IKBKB: variants seen among roughly 807,000 people sequenced by gnomAD.
IKBKB encodes inhibitor of nuclear factor kappa B kinase subunit beta.
IKBKB carries 42 observed loss-of-function variants against 113.6 expected under a neutral mutation model. That is an observed-to-expected ratio of 0.37 (90% confidence interval 0.29 to 0.48). The LOEUF is 0.48. Among genes scored for constraint, IKBKB ranks in the 20% least tolerant of loss-of-function variants. The pLI is 0.99. For synonymous variants in IKBKB, 296 were observed against 361.3 expected (o/e 0.82, Z 2.05); for missense variants, 673 against 939.7 (o/e 0.72, Z 3.71).
chr8:42,282,382 T>G (rs1281709879), intron 2 of IKBKB, among the ~76,000 whole-genome samples: 1 of 152,168 alleles, frequency 6.6e-6, no homozygotes, highest in Non-Finnish European at 1.5e-5. Flanking sequence ...TTTAAAAATA[T>G]TTTTAGTAGA....
intron 8 of IKBKB, chr8:42,309,643 G>A (rs1035369028): frequency 4.6e-5 from 9 of 195,084 alleles, no homozygotes; most frequent in African/African-American, 1.9e-4. Context: ...CAGCTACTCG[G>A]AAGGCTGAGG....
chr8:42,325,877 G>C, intron 19 of IKBKB, 93 bp from the exon 20 acceptor site: 1 of 1,563,880 alleles, frequency 6.4e-7, no homozygotes, highest in Non-Finnish European at 8.6e-7. Flanking sequence ...GCCTCTGGCA[G>C]CCAGCCAGTT....
At chr8:42,297,990 A>C in intron 5 of IKBKB, 1 of 592,550 alleles carries the variant, frequency 1.7e-6, no homozygotes, top group Non-Finnish European at 2.1e-6. Context: ...CCATCACTCC[A>C]TGCTGATAGG....
intron 2 of IKBKB, among the ~76,000 whole-genome samples, chr8:42,285,877 CAGAA>C (rs1811318651): frequency 6.6e-6 from 1 of 152,142 alleles, no homozygotes; most frequent in South Asian, 2.1e-4. Flanking sequence ...TCCGTAGAGA[CAGAA>C]AGAGGTGGGT....
chr8:42,292,507 A>T (rs1220307676), intron 4 of IKBKB, among the ~76,000 whole-genome samples: 1 of 152,200 alleles, frequency 6.6e-6, no homozygotes, highest in Admixed American at 6.5e-5. Flanking sequence ...TGTTCCCTCT[A>T]AAAAGTTCAA....
chr8:42,324,208 C>T (rs1820295851), intron 19 of IKBKB, among the ~76,000 whole-genome samples: 1 of 152,050 alleles, frequency 6.6e-6, no homozygotes, highest in African/African-American at 2.4e-5. Context: ...TGGGGAAGGC[C>T]ACAATGGAGG....
At chr8:42,315,092 C>T (rs1818422369) in intron 9 of IKBKB, among the ~76,000 whole-genome samples, 1 of 152,240 alleles carries the variant, frequency 6.6e-6, no homozygotes. Flanking sequence ...TTCCACCCCT[C>T]ATGTGGCCCA....
At chr8:42,301,713 AGTC>A (rs1815246242) in intron 5 of IKBKB, among the ~76,000 whole-genome samples, 1 of 152,254 alleles carries the variant, frequency 6.6e-6, no homozygotes, top group Admixed American at 6.5e-5. Flanking sequence ...TATTAATAGT[AGTC>A]AGAGTATTCA....
chr8:42,326,703 A>T (rs982169004), intron 20 of IKBKB, among the ~76,000 whole-genome samples: 2 of 152,166 alleles, frequency 1.3e-5, no homozygotes, highest in Admixed American at 6.5e-5. Flanking sequence ...GCTTTCGTCA[A>T]GTCTCATCTG....
At chr8:42,311,377 A>G (rs1182880665) in intron 8 of IKBKB, among the ~76,000 whole-genome samples, 2 of 152,170 alleles carry the variant, frequency 1.3e-5, no homozygotes, top group Non-Finnish European at 2.9e-5. Flanking sequence ...CCTGGCCAAC[A>G]TGATGAAACC....
At chr8:42,293,665 G>GAAAA in intron 5 of IKBKB, 153 bp downstream of exon 5, 1 of 1,345,080 alleles carries the variant, frequency 7.4e-7, no homozygotes, top group African/African-American at 1.4e-5. Context: ...TGGTGGAGTA[G>GAAAA]GGAGGTCAAC....
chr8:42,278,214 C>A (rs765539477), intron 2 of IKBKB, among the ~76,000 whole-genome samples: 1 of 152,084 alleles, frequency 6.6e-6, no homozygotes, highest in Non-Finnish European at 1.5e-5. Context: ...CTGTGGAGGG[C>A]AGGTGTGGCA....
chr8:42,314,470 C>A, intron 9 of IKBKB, 41 bp downstream of exon 9: 2 of 1,323,566 alleles, frequency 1.5e-6, no homozygotes, highest in Non-Finnish European at 1.1e-6. Flanking sequence ...ATCTTTCTTG[C>A]TTTTTTTAGA....
chr8:42,304,245 A>G (rs1471792543), intron 5 of IKBKB, among the ~76,000 whole-genome samples: 1 of 152,198 alleles, frequency 6.6e-6, no homozygotes, highest in Non-Finnish European at 1.5e-5. Context: ...TAGTCATAGC[A>G]TCTCCAAATA....
chr8:42,274,241 G>A (rs921645889), intron 2 of IKBKB, among the ~76,000 whole-genome samples: 4 of 152,138 alleles, frequency 2.6e-5, no homozygotes, highest in African/African-American at 7.2e-5. Context: ...TGTAGGCCAT[G>A]CCGGTCTCAA....
Position 42,294,075 on chromosome 8 carries a change from G to A in IKBKB, c.388+563G>A, listed in dbSNP as rs1409278338. On this transcript the variant is annotated intron_variant, in intron 5 of 21. Coordinates refer to ENST00000520810, the MANE Select transcript of IKBKB (RefSeq NM_001556.3). The stretch of plus-strand genomic sequence containing the variant: ...TAGACCCTGGCGCTCACTCAGGAGG[G>A]GTCTGAGGGCTGGGCGCTAAAGGTC... Among the ~76,000 whole-genome samples the A allele has an allele frequency of 2.0e-5, 3 of 152,216 alleles. No individual in the cohort carries two copies. The East Asian group carries it at 5.8e-4, about 29-fold the overall frequency.
chr8:42,294,729 A>G (rs1047112188), intron 5 of IKBKB, among the ~76,000 whole-genome samples: 1 of 152,214 alleles, frequency 6.6e-6, no homozygotes, highest in African/African-American at 2.4e-5. Flanking sequence ...ATGAGCACCC[A>G]GTGCTGGCCC....
At chr8:42,290,029 G>A in intron 3 of IKBKB, 127 bp from the exon 4 acceptor site, 1 of 677,256 alleles carries the variant, frequency 1.5e-6, no homozygotes. Flanking sequence ...CCCGTCCTGG[G>A]CTCTGTCTTC....
In IKBKB at chr8:42,271,392, A is replaced by G; in HGVS notation, c.-96A>G. 1.3e-6 allele frequency: 2 copies of G among 1,513,440 alleles called. No individual in the cohort carries two copies. Among genetic ancestry groups the G allele is most frequent in the Non-Finnish European group, 1.8e-6 (2 of 1,128,748 alleles). The allele number at this position is 1,513,440 out of a possible 1,614,324, so 93.8% of individuals were successfully genotyped here. A position where few individuals can be genotyped will look rare whatever the true frequency, so the allele number is the denominator to read the frequency against. On this transcript the variant is annotated 5_prime_UTR_variant, in exon 1 of 22. It adds an upstream start codon to the 5' untranslated region. Transcript: ENST00000520810. ...TTTAATGTTTTCAGGGGGGTGTCAT[A>G]GCCCCGGGTTTGGCCGCCCCAGCCC...
Sources: gnomAD v4.1 joint callset for allele counts (sites outside exome capture counted in the v4.1 genomes callset) on GRCh38, gnomAD v4.1.1 for gene constraint, MANE v1.5 for transcripts, NCBI Gene and HGNC (gene_info 2026-07-23, HGNC 2026-07-21) for gene names.